The following ZBP1 variants were observed in gnomAD, a reference collection of about 807,000 sequenced individuals.
The protein encoded by ZBP1 is Z-DNA-binding protein 1.
A neutral mutation model predicts 41.1 loss-of-function variants in ZBP1; 42 were observed. The observed-to-expected ratio is 1.02, with a 90% CI of 0.80 to 1.32. ZBP1 has a LOEUF of 1.32. Ranked by LOEUF, ZBP1 falls within the 40% of genes most tolerant of loss-of-function variation. The pLI is 0.00. For synonymous variants in ZBP1, 214 were observed against 205.2 expected (o/e 1.04, Z -0.37); for missense variants, 562 against 549.7 (o/e 1.02, Z -0.22).
rs763806450 is a variant in ZBP1, at chr20:57,611,775, C to T, written c.826G>A (p.Gly276Ser). ...LGHSNEMRLH[G>S]VPSEGPAHIP... The stretch of plus-strand genomic sequence containing the variant: ...TGGGCAGGGCCCTCGGACGGGACGC[C>T]GTGGAGCCTCATCTCATTGCTGTGT... The change falls in exon 6 of 8, where the codon GGC becomes AGC. Residue 276 changes from glycine to serine, a missense_variant. By Grantham distance (56) the Gly-to-Ser change is moderately conservative. Coordinates refer to ENST00000371173, the MANE Select transcript of ZBP1 (RefSeq NM_030776.3). 35 of 1,612,582 alleles carry T rather than the reference C, an allele frequency of 2.2e-5. No homozygotes were observed. The highest frequency in any genetic ancestry group is 2.5e-5 in the Non-Finnish European group (29 of 1,179,682).
rs2070731884 is a variant in ZBP1 at position 57,613,449 on chromosome 20, A to T, written c.503-119T>A. The T allele has an allele frequency of 2.7e-6, 3 of 1,126,594 alleles. No homozygotes were observed. Among genetic ancestry groups the T allele is most frequent in the South Asian group, 2.9e-5 (2 of 70,070 alleles). The allele number at this position is 1,126,594 out of a possible 1,614,324, so 69.8% of individuals were successfully genotyped here. A position where few individuals can be genotyped will look rare whatever the true frequency, so the allele number is the denominator to read the frequency against. On this transcript the variant is annotated intron_variant, in intron 4 of 7. Coordinates refer to ENST00000371173, the MANE Select transcript of ZBP1 (RefSeq NM_030776.3). This position sits in a 1 kb window ranked among gnomAD's most constrained non-coding sequence, Gnocchi z 4.5. ...TTGTTAAAATACCCTGGGCGTTCCG[A>T]GTCAGTAGGGCCAAGTGGGAGGCCA...
intron 2 of ZBP1, 30 bp from the exon 3 acceptor site, chr20:57,615,610 G>T (rs745360683): frequency 2.5e-6 from 4 of 1,602,226 alleles, no homozygotes; most frequent in African/African-American, 1.3e-5. Context: ...TCAGAGGGGT[G>T]GGGGACAGAA....
In ZBP1 at chr20:57,609,977, C is replaced by T. The variant is rs147521943; in HGVS notation, c.1093+172G>A. On this transcript the variant is annotated intron_variant, in intron 7 of 7. Coordinates refer to ENST00000371173, the MANE Select transcript of ZBP1 (RefSeq NM_030776.3). ...TGGGTGGGTCCCTCCACTAGGGGGA[C>T]GGAGCCTCCACGCTGACTCTAGAGC... 6.2e-4 allele frequency among the ~76,000 whole-genome samples: 95 copies of T among 152,258 alleles called. 1 individual carries two copies. The East Asian group carries it at 0.014, about 23-fold the overall frequency.
rs541011267 is a variant in ZBP1 at position 57,613,098 on chromosome 20, C to T, written c.670+65G>A. ...CCACTCCCCATCCCTACCCTTTGCC[C>T]CCACCCAGAGGATCCGGTGGCTCCC... On this transcript the variant is annotated intron_variant, in intron 5 of 7. Coordinates refer to ENST00000371173, the MANE Select transcript of ZBP1 (RefSeq NM_030776.3). This position sits in a 1 kb window ranked among gnomAD's most constrained non-coding sequence, Gnocchi z 4.5. The T allele has an allele frequency of 3.0e-5, 48 of 1,601,120 alleles. No homozygotes were observed. Among genetic ancestry groups the T allele is most frequent in the African/African-American group, 4.0e-5 (3 of 74,626 alleles).
intron 7 of ZBP1, among the ~76,000 whole-genome samples, chr20:57,608,672 T>C (rs1252543473): frequency 2.0e-5 from 3 of 152,240 alleles, no homozygotes; most frequent in Non-Finnish European, 4.4e-5. Context: ...AATGCGCTCC[T>C]GGTCCCCGTT....
At chr20:57,615,322 A>G (rs1165590224) in intron 3 of ZBP1, 190 bp downstream of exon 3, 2 of 720,012 alleles carry the variant, frequency 2.8e-6, no homozygotes, top group African/African-American at 3.6e-5. Flanking sequence ...TGGAGAAATC[A>G]CTGCTCAGCC....
chr20:57,617,674 T>C (rs1568941366), intron 1 of ZBP1: 2 of 147,110 alleles, frequency 1.4e-5, no homozygotes, highest in East Asian at 2.1e-4. Context: ...CTGGGCAACA[T>C]AGTGAGACCC....
At position 57,610,449 on chromosome 20, in the gene ZBP1, C is replaced by T; in HGVS notation, c.875-82G>A. ...ACCCTGACCCCCAGCCTGGTTCACC[C>T]TCCTCCCCAGATCTCCCACCAGTGG... is the stretch of plus-strand genomic sequence containing the variant. On this transcript the variant is annotated intron_variant, in intron 6 of 7. Transcript: ENST00000371173. This position sits in a 1 kb window ranked among gnomAD's most constrained non-coding sequence, Gnocchi z 5.5. 1.3e-6 allele frequency: 2 copies of T among 1,485,214 alleles called. No homozygotes were observed. The highest frequency in any genetic ancestry group is 1.9e-6 in the Non-Finnish European group (2 of 1,073,460). 92.0% of individuals were successfully genotyped at this position (1,485,214 alleles called of 1,614,324 possible). A position where few individuals can be genotyped will look rare whatever the true frequency, so the allele number is the denominator to read the frequency against.
chr20:57,618,257 A>G (rs1424585024), intron 1 of ZBP1, among the ~76,000 whole-genome samples: 1 of 152,198 alleles, frequency 6.6e-6, no homozygotes, highest in Non-Finnish European at 1.5e-5. Context: ...AGGGCAGTGC[A>G]TGGGAGAGCC....
rs926052270 is a variant in ZBP1, at chr20:57,613,952, C to T, written c.503-622G>A. On this transcript the variant is annotated intron_variant, in intron 4 of 7. Coordinates refer to ENST00000371173, the MANE Select transcript of ZBP1 (RefSeq NM_030776.3). This position sits in a 1 kb window ranked among gnomAD's most constrained non-coding sequence, Gnocchi z 4.5. ...CCCTCCAGGGTCTCAGCTCCTGTGCCTTTGTGGGCCCTTCCCCCATACACA... is the reference window on the plus strand; with the variant it reads ...CCCTCCAGGGTCTCAGCTCCTGTGCTTTTGTGGGCCCTTCCCCCATACACA... Among the ~76,000 whole-genome samples, 7 of 152,332 alleles carry T rather than the reference C, an allele frequency of 4.6e-5. No individual in the cohort carries two copies. Among genetic ancestry groups the T allele is most frequent in the South Asian group, 4.1e-4 (2 of 4,824 alleles).
chr20:57,605,801 G>A (rs948156658), intron 7 of ZBP1, among the ~76,000 whole-genome samples: 1 of 152,116 alleles, frequency 6.6e-6, no homozygotes, highest in Non-Finnish European at 1.5e-5. Context: ...AGGCGTGGTG[G>A]TGCAGGTCTG....
intron 2 of ZBP1, chr20:57,615,827 C>T: frequency 3.6e-6 from 2 of 549,894 alleles, no homozygotes; most frequent in South Asian, 2.4e-5. Flanking sequence ...TGGGTGAACC[C>T]CAAAACAGTG....
chr20:57,615,657 C>A, intron 2 of ZBP1, 77 bp from the exon 3 acceptor site: 1 of 1,353,400 alleles, frequency 7.4e-7, no homozygotes, highest in South Asian at 1.3e-5. Context: ...AGGTGGGCAG[C>A]TCCCTAGGGG....
chr20:57,605,936 AAAATAAATAAAT>A (rs574394663), intron 7 of ZBP1, among the ~76,000 whole-genome samples: 1 of 152,080 alleles, frequency 6.6e-6, no homozygotes, highest in African/African-American at 2.4e-5. Context: ...CTCCATCTCA[AAAATAAATAAAT>A]AAATAAATAA....
In ZBP1 at chr20:57,614,903, C is replaced by A; in HGVS notation, c.486G>T (p.Trp162Cys). The A allele has an allele frequency of 6.2e-7, 1 of 1,614,180 alleles. No homozygotes were observed. The highest frequency in any genetic ancestry group is 8.5e-7 in the Non-Finnish European group (1 of 1,180,010). ...LLDMDEQSKA[W>C]TIYRPEDSGR... ...GGGGCCTACCTGGGCGGTAAATCGT[C>A]CATGCTTTGGACTGCTCATCCATGT... Residue 162 changes from tryptophan (W) to cysteine (C), a missense_variant, in exon 4 of 8, where the codon TGG becomes TGT. Trp to Cys is a radical substitution (Grantham distance 215). Transcript: ENST00000371173.
intron 1 of ZBP1, chr20:57,617,883 G>C (rs894733360): frequency 2.0e-5 from 3 of 151,612 alleles, no homozygotes; most frequent in African/African-American, 7.3e-5. Flanking sequence ...CTGAATGAGT[G>C]AGTGTCTGTC....
At position 57,616,244 on chromosome 20, in the gene ZBP1, C is replaced by T. The variant is rs770863067; in HGVS notation, c.259G>A (p.Ala87Thr). The stretch of plus-strand genomic sequence containing the variant: ...CCCGCCTCCCCGGGGTGGCAGTTAC[C>T]AGGGCTGGACAAGGCCAGCTCTGCA... ...GPAELALSSP[A>T]ERPQQHAATI... The change falls in exon 2 of 8, where the codon GCC (alanine) becomes ACC (threonine). Residue 87 changes from alanine (A) to threonine (T), a missense_variant and splice_region_variant. By Grantham distance (58) the Ala-to-Thr change is moderately conservative. Transcript: ENST00000371173. The T allele has an allele frequency of 2.5e-6, 4 of 1,613,992 alleles. No individual in the cohort carries two copies. The highest frequency in any genetic ancestry group is 3.3e-5 in the Admixed American group (2 of 60,012).
Position 57,610,076 on chromosome 20 carries a change from G to GTGAA in ZBP1, c.1093+69_1093+72dup. 3.5e-6 allele frequency: 5 copies of GTGAA among 1,439,606 alleles called. No homozygotes were observed. The highest frequency in any genetic ancestry group is 3.9e-6 in the Non-Finnish European group (4 of 1,033,720). 89.2% of individuals were successfully genotyped at this position (1,439,606 alleles called of 1,614,324 possible). A position where few individuals can be genotyped will look rare whatever the true frequency, so the allele number is the denominator to read the frequency against. ...AGAGATTAGCGAATGATCGATGAGA[G>GTGAA]TGAATGAATGAATGAGTGGAAGGTG... is the stretch of plus-strand genomic sequence containing the variant. On this transcript the variant is annotated intron_variant, in intron 7 of 7. Coordinates refer to ENST00000371173, the MANE Select transcript of ZBP1 (RefSeq NM_030776.3). This position sits in a 1 kb window ranked among gnomAD's most constrained non-coding sequence, Gnocchi z 5.5.
intron 7 of ZBP1, among the ~76,000 whole-genome samples, chr20:57,608,430 AT>A (rs10709537): frequency 0.099 from 15,019 of 152,264 alleles, 846 homozygotes; most frequent in East Asian, 0.23. Flanking sequence ...AAGTGTGGCT[AT>A]TTTTAAAAAA....
Sources: allele counts gnomAD v4.1 joint callset (sites outside exome capture counted in the v4.1 genomes callset), GRCh38; gene constraint gnomAD v4.1.1; non-coding constraint Gnocchi (gnomAD v3.1); transcripts MANE v1.5; gene names NCBI Gene and HGNC (gene_info 2026-07-23, HGNC 2026-07-21).